The following PHF24 variants were observed in gnomAD, a reference collection of about 807,000 sequenced individuals.
PHF24 encodes Galpha inhibitory interacting protein.
PHF24 carries 25 observed loss-of-function variants against 42.6 expected under a neutral mutation model. The ratio of observed to expected loss-of-function variants is 0.59; its 90% CI spans 0.43 to 0.82. The LOEUF is 0.82. Ranked by LOEUF, PHF24 falls within the 40% of genes least tolerant of loss-of-function variation. The pLI is 0.00. For missense variants in PHF24, 470 were observed against 538.1 expected (o/e 0.87, Z 1.25); for synonymous variants, 185 against 204.8 (o/e 0.90, Z 0.83).
the PHF24 span, chr9:34,922,134 G>T: frequency 6.9e-7 from 1 of 1,454,038 alleles, no homozygotes; most frequent in Non-Finnish European, 9.5e-7. Context: ...GATGACAAAT[G>T]GTCTACTGTG....
chr9:34,783,497 T>C, the PHF24 span, among the ~76,000 whole-genome samples: 1 of 152,178 alleles, frequency 6.6e-6, no homozygotes, highest in Non-Finnish European at 1.5e-5. Context: ...GCCCTTACCC[T>C]ATCCTAATTA....
At chr9:34,761,425 T>C in the PHF24 span, among the ~76,000 whole-genome samples, 1 of 152,096 alleles carries the variant, frequency 6.6e-6, no homozygotes, top group African/African-American at 2.4e-5. Flanking sequence ...AACATACTGA[T>C]ATAGAGCTTA....
the PHF24 span, among the ~76,000 whole-genome samples, chr9:34,905,860 C>A: frequency 3.3e-5 from 5 of 152,126 alleles, no homozygotes. Flanking sequence ...ATTTTGTCTT[C>A]GTGTGGAAAC....
the PHF24 span, among the ~76,000 whole-genome samples, chr9:34,738,853 A>G: frequency 6.6e-6 from 1 of 152,196 alleles, no homozygotes; most frequent in African/African-American, 2.4e-5. Flanking sequence ...TACCTAGAGC[A>G]GCCATTTGTG....
chr9:34,769,040 A>G, the PHF24 span, among the ~76,000 whole-genome samples: 4 of 152,246 alleles, frequency 2.6e-5, no homozygotes, highest in Non-Finnish European at 5.9e-5. Flanking sequence ...TACAATAGCA[A>G]CACAAGGAAT....
At chr9:34,770,498 C>T in the PHF24 span, among the ~76,000 whole-genome samples, 3 of 152,102 alleles carry the variant, frequency 2.0e-5, no homozygotes, top group South Asian at 6.2e-4. Flanking sequence ...TTCCTTTTGA[C>T]CCAATAATCC....
At chr9:34,673,964 C>T in the PHF24 span, among the ~76,000 whole-genome samples, 1 of 152,098 alleles carries the variant, frequency 6.6e-6, no homozygotes. Flanking sequence ...CCATGTTGCC[C>T]AGGCAGGTGT....
At chr9:34,709,732 C>A in the PHF24 span, 1 of 1,613,644 alleles carries the variant, frequency 6.2e-7, no homozygotes. Flanking sequence ...CCATGCCCTC[C>A]CCACCCCGTC....
At chr9:34,853,070 C>T in the PHF24 span, among the ~76,000 whole-genome samples, 3 of 152,128 alleles carry the variant, frequency 2.0e-5, no homozygotes, top group Non-Finnish European at 2.9e-5. Flanking sequence ...CCAGCTTTTG[C>T]CCATTCAGCC....
chr9:34,707,480 A>T, the PHF24 span, among the ~76,000 whole-genome samples: 14 of 152,194 alleles, frequency 9.2e-5, no homozygotes, highest in Non-Finnish European at 1.8e-4. Flanking sequence ...CATTTAAGGA[A>T]CATTTCAAAA....
At chr9:34,719,826 A>G in the PHF24 span, among the ~76,000 whole-genome samples, 4 of 152,202 alleles carry the variant, frequency 2.6e-5, no homozygotes, top group Admixed American at 2.0e-4. Context: ...GCCTGTCACA[A>G]TACCTCCTTT....
the PHF24 span, among the ~76,000 whole-genome samples, chr9:34,716,590 T>TTTTAA: frequency 2.0e-5 from 3 of 151,692 alleles, no homozygotes; most frequent in South Asian, 6.2e-4. Flanking sequence ...TTTTGTTTTG[T>TTTTAA]TTTGTTTTGT....
chr9:34,822,918 C>T, the PHF24 span, among the ~76,000 whole-genome samples: 46,098 of 151,914 alleles, frequency 0.3, 7,829 homozygotes, highest in East Asian at 0.56. Flanking sequence ...ATTGTCCGGC[C>T]GGGCGCGGTG....
At chr9:34,801,185 G>A in the PHF24 span, among the ~76,000 whole-genome samples, 266 of 152,308 alleles carry the variant, frequency 1.7e-3, no homozygotes, top group Admixed American at 4.3e-3. Flanking sequence ...AGGCTGTAGA[G>A]AAACAGGAAC....
the PHF24 span, among the ~76,000 whole-genome samples, chr9:34,802,769 G>A: frequency 6.6e-6 from 1 of 152,110 alleles, no homozygotes; most frequent in Non-Finnish European, 1.5e-5. Context: ...TATCTTAAAT[G>A]CTAAGAAGGC....
the PHF24 span, among the ~76,000 whole-genome samples, chr9:34,880,674 A>G: frequency 1.2e-4 from 19 of 152,238 alleles, no homozygotes; most frequent in Admixed American, 1.0e-3. Context: ...AAATATATAT[A>G]CACCCAATAC....
chr9:34,917,993 C>A, the PHF24 span: 1 of 1,358,380 alleles, frequency 7.4e-7, no homozygotes, highest in Non-Finnish European at 1.1e-6. Flanking sequence ...CTGGGGAGGC[C>A]ATCAAGAAAT....
chr9:34,678,346 T>G, the PHF24 span: 1 of 151,670 alleles, frequency 6.6e-6, no homozygotes, highest in Non-Finnish European at 1.5e-5. Flanking sequence ...TTTTTTTTTT[T>G]TTTTGGAATG....
At chr9:34,904,620 G>A in the PHF24 span, among the ~76,000 whole-genome samples, 16 of 151,280 alleles carry the variant, frequency 1.1e-4, no homozygotes, top group South Asian at 4.2e-4. Flanking sequence ...CTTGGATTTG[G>A]TTAGCTAGTA....
Sources: gnomAD v4.1 joint callset for allele counts (sites outside exome capture counted in the v4.1 genomes callset) on GRCh38, gnomAD v4.1.1 for gene constraint, MANE v1.5 for transcripts, NCBI Gene and HGNC (gene_info 2026-07-23, HGNC 2026-07-21) for gene names.